The following OC90 variants were observed in gnomAD, a reference collection of about 807,000 sequenced individuals.
OC90 encodes the protein otoconin-90.
OC90 carries 46 observed loss-of-function variants against 47.3 expected under a neutral mutation model. The ratio of observed to expected loss-of-function variants is 0.97; its 90% CI spans 0.77 to 1.24. The LOEUF is 1.24. OC90 is among the 50% of genes most tolerant of loss of function. The pLI, the probability that OC90 is intolerant of heterozygous loss-of-function variation, is 0.00. For missense variants in OC90, 688 were observed against 583.9 expected, an observed-to-expected ratio of 1.18 and a Z score of -1.84; for synonymous variants, 271 against 219.5, an observed-to-expected ratio of 1.23 and a Z score of -2.07.
chr8:132,048,810 G>T (rs547097960), intron 2 of OC90, among the ~76,000 whole-genome samples: 2 of 151,726 alleles, frequency 1.3e-5, no homozygotes, highest in East Asian at 3.9e-4. Context: ...ATAAGGATCA[G>T]TGTTTGGCCA....
chr8:132,058,838 A>G (rs1293001353), intron 1 of OC90, among the ~76,000 whole-genome samples: 1 of 151,776 alleles, frequency 6.6e-6, no homozygotes, highest in Admixed American at 6.6e-5. Context: ...GAAGTGGTGG[A>G]TTTTTCCCCC....
intron 12 of OC90, among the ~76,000 whole-genome samples, 199 bp from the exon 13 acceptor site, chr8:132,029,378 A>G (rs1240657057): frequency 1.3e-5 from 2 of 152,210 alleles, no homozygotes; most frequent in Non-Finnish European, 2.9e-5. Flanking sequence ...CACAAAGGCC[A>G]CGTCTAAGGC....
At chr8:132,028,694 AAGAAAGAGAGAC>A (rs1563727662) in intron 13 of OC90, among the ~76,000 whole-genome samples, 34 of 133,562 alleles carry the variant, frequency 2.5e-4, no homozygotes, top group African/African-American at 9.2e-4. Flanking sequence ...AAGAGAAAGA[AAGAAAGAGAGAC>A]AGAAAGAAAG....
At chr8:132,026,295 A>AT (rs138097927) in intron 13 of OC90, among the ~76,000 whole-genome samples, 5 of 152,098 alleles carry the variant, frequency 3.3e-5, no homozygotes, top group South Asian at 4.1e-4. Context: ...AAGCTAAGGG[A>AT]TTTTTTTGGC....
At chr8:132,041,329 T>C (rs574812480) in intron 5 of OC90, among the ~76,000 whole-genome samples, 173 bp from the exon 6 acceptor site, 96 of 152,302 alleles carry the variant, frequency 6.3e-4, no homozygotes, top group South Asian at 1.2e-3. Flanking sequence ...TCTTAATAAC[T>C]TTTTAGAGTG....
In OC90 at chr8:132,037,515, G is replaced by A. The variant is rs16904578; in HGVS notation, c.629-27C>T. On this transcript the variant is annotated intron_variant, in intron 8 of 13. Transcript: ENST00000254627. ...TGGAAAAAGAGAGTTCCCAATAGCA[G>A]TGACTCATGCAACACAGTGTCAAAA... 757 of 1,560,238 alleles carry A rather than the reference G, an allele frequency of 4.9e-4. 2 individuals carry two copies. In the East Asian group the frequency reaches 0.013, roughly 27 times the overall value.
chr8:132,055,896 A>AG (rs1221937663), intron 1 of OC90, among the ~76,000 whole-genome samples: 1 of 152,050 alleles, frequency 6.6e-6, no homozygotes, highest in East Asian at 1.9e-4. Flanking sequence ...TATGTTTAAC[A>AG]GGGGGACGGG....
rs1274737658 is a variant in OC90 at position 132,031,971 on chromosome 8, C to G, written c.941G>C (p.Cys314Ser). The G allele has an allele frequency of 6.2e-7, 1 of 1,614,022 alleles. No homozygotes were observed. Among genetic ancestry groups the G allele is most frequent in the Admixed American group, 1.7e-5 (1 of 60,036 alleles). Reference sequence around the variant, plus strand: ...TTCCTCCGGGCACCGGGATGTCAGACAAAAGAGCATCTCTCCAAGCTGTGG... The same window carrying G: ...TTCCTCCGGGCACCGGGATGTCAGAGAAAAGAGCATCTCTCCAAGCTGTGG... ...VMPQLGEMLFCLTSRCPEEFE... is the reference protein window; with the variant it reads ...VMPQLGEMLFSLTSRCPEEFE... Residue 314 changes from cysteine to serine, a missense_variant, in exon 12 of 14, where the codon TGT (cysteine) becomes TCT (serine). Physicochemically the swap from Cys to Ser is moderately radical, Grantham distance 112. Transcript: ENST00000254627.
chr8:132,054,962 G>A lies in OC90; in HGVS notation c.46+19C>T, dbSNP rs992986990. ...TTACATGCTAAGCTGGAACTATGGT[G>A]TAAGATATCATTACTCACCGGCATG... On this transcript the variant is annotated intron_variant, in intron 2 of 13. Coordinates refer to ENST00000254627, the MANE Select transcript of OC90 (RefSeq NM_001080399.3). 1 of 1,535,304 alleles carries A rather than the reference G, an allele frequency of 6.5e-7. No individual in the cohort carries two copies. Among genetic ancestry groups the A allele is most frequent in the East Asian group, 2.5e-5 (1 of 40,694 alleles).
In OC90 at chr8:132,057,569, G is replaced by A. The variant is rs116498174; in HGVS notation, c.-48+1772C>T. On this transcript the variant is annotated intron_variant, in intron 1 of 13. Transcript: ENST00000254627. ...GATGAAAAAGTCCTGGAGGTGGACA[G>A]TGGCGTGATTGCATATCAATGTGAA... 5.5e-3 allele frequency among the ~76,000 whole-genome samples: 835 copies of A among 152,360 alleles called. 9 individuals are homozygous for A. The highest frequency in any genetic ancestry group is 0.018 in the African/African-American group (768 of 41,586).
chr8:132,052,019 G>A (rs1038199468), intron 2 of OC90, among the ~76,000 whole-genome samples: 1 of 149,634 alleles, frequency 6.7e-6, no homozygotes, highest in Non-Finnish European at 1.5e-5. Flanking sequence ...GAAGGTGAAA[G>A]GAGGGTGCTT....
chr8:132,057,612 A>C (rs372991291), intron 1 of OC90, among the ~76,000 whole-genome samples: 15 of 152,236 alleles, frequency 9.9e-5, no homozygotes, highest in African/African-American at 3.6e-4. Context: ...AATGCTCCTC[A>C]GCTGTACACT....
In OC90 at chr8:132,041,543, GGCAAC is replaced by G. The variant is rs764580544; in HGVS notation, c.321_325del (p.Leu108CysfsTer3). The stretch of plus-strand genomic sequence containing the variant: ...CACTTACCTGTCAGATTCATCCACA[GGCAAC>G]CCTTCCATCTCAAACCTGCAGGTGC... On this transcript the variant is annotated frameshift_variant, in exon 5 of 14. Coordinates refer to ENST00000254627, the MANE Select transcript of OC90 (RefSeq NM_001080399.3). LOFTEE classifies it high-confidence loss of function. 97 of 1,611,844 alleles carry G rather than the reference GGCAAC, an allele frequency of 6.0e-5. No individual in the cohort carries two copies. The highest frequency in any genetic ancestry group is 8.0e-5 in the Non-Finnish European group (94 of 1,179,086).
At chr8:132,050,046 T>C (rs1823191605) in intron 2 of OC90, among the ~76,000 whole-genome samples, 1 of 152,236 alleles carries the variant, frequency 6.6e-6, no homozygotes, top group African/African-American at 2.4e-5. Flanking sequence ...ACCTTACCTC[T>C]ACCATTGTGT....
intron 4 of OC90, among the ~76,000 whole-genome samples, chr8:132,042,593 A>G (rs1823070215): frequency 1.3e-5 from 2 of 152,134 alleles, no homozygotes; most frequent in African/African-American, 2.4e-5. Context: ...ACGTGTATTT[A>G]ATGCTTAGCT....
At chr8:132,044,621 T>C in intron 3 of OC90, 132 bp from the exon 4 acceptor site, 1 of 628,646 alleles carries the variant, frequency 1.6e-6, no homozygotes, top group South Asian at 1.9e-5. Context: ...TGGGCTAAGC[T>C]AGCTTTCTAC....
At chr8:132,053,384 A>G (rs993632467) in intron 2 of OC90, among the ~76,000 whole-genome samples, 1 of 152,202 alleles carries the variant, frequency 6.6e-6, no homozygotes, top group African/African-American at 2.4e-5. Context: ...CACAAGTTCA[A>G]TTGATAACTG....
At position 132,034,840 on chromosome 8, in the gene OC90, C is replaced by T; in HGVS notation, c.680-6G>A. Reference sequence around the variant, plus strand: ...TTCCTGATCGTGGCCTGCTTCTGTTCCCCAAAGAAGAGAGACAGCATGAGC... The same window carrying T: ...TTCCTGATCGTGGCCTGCTTCTGTTTCCCAAAGAAGAGAGACAGCATGAGC... On this transcript the variant is annotated splice_polypyrimidine_tract_variant and splice_region_variant and intron_variant, in intron 9 of 13. Transcript: ENST00000254627. 12 of 1,611,412 alleles carry T rather than the reference C, an allele frequency of 7.4e-6. No homozygotes were observed. The highest frequency in any genetic ancestry group is 1.0e-5 in the Non-Finnish European group (12 of 1,177,984).
At position 132,041,053 on chromosome 8, in the gene OC90, T is replaced by C. The variant is rs774281528; in HGVS notation, c.448A>G (p.Ile150Val). Residue 150 changes from isoleucine (I) to valine (V), a missense_variant, in exon 6 of 14, where the codon ATC (isoleucine) becomes GTC (valine). By Grantham distance (29) the Ile-to-Val change is conservative. Coordinates refer to ENST00000254627, the MANE Select transcript of OC90 (RefSeq NM_001080399.3). ...ACCTGGAGATGCTTACCACATATGA[T>C]CTTCTTGCTGACACAATTGACCTCT... ...STEVNCVSKKIICESKDNCEH... is the reference protein window; with the variant it reads ...STEVNCVSKKVICESKDNCEH... The C allele has an allele frequency of 6.3e-7, 1 of 1,587,964 alleles. No homozygotes were observed. The highest frequency in any genetic ancestry group is 1.1e-5 in the South Asian group (1 of 90,556).
Sources: allele counts gnomAD v4.1 joint callset (sites outside exome capture counted in the v4.1 genomes callset), GRCh38; gene constraint gnomAD v4.1.1; transcripts MANE v1.5; gene names NCBI Gene and HGNC (gene_info 2026-07-23, HGNC 2026-07-21).